TMCO5A: variants seen among roughly 807,000 people sequenced by gnomAD.
The protein encoded by TMCO5A is transmembrane and coiled-coil domain-containing protein 5A.
TMCO5A carries 34 observed loss-of-function variants against 42.3 expected under a neutral mutation model. The ratio of observed to expected loss-of-function variants is 0.80; its 90% CI spans 0.61 to 1.07. The LOEUF (loss-of-function observed/expected upper bound fraction) is 1.07, where lower values mean the gene tolerates loss of function less well. Among genes scored for constraint, TMCO5A ranks in the 50% least tolerant of loss-of-function variants. The pLI, the probability that TMCO5A is intolerant of heterozygous loss-of-function variation, is 0.00. For synonymous variants in TMCO5A, 131 were observed against 115.6 expected (o/e 1.13, Z -0.86); for missense variants, 357 against 327.9 (o/e 1.09, Z -0.69).
chr15:37,937,278 C>G (rs1186416938), intron 4 of TMCO5A, 68 bp from the exon 5 acceptor site: 1 of 1,550,626 alleles, frequency 6.4e-7, no homozygotes, highest in African/African-American at 1.4e-5. Context: ...GTGAAATGGA[C>G]AGCAATCAAC....
chr15:37,974,712 C>A, the TMCO5A span, among the ~76,000 whole-genome samples: 1 of 151,842 alleles, frequency 6.6e-6, no homozygotes, highest in African/African-American at 2.4e-5. Context: ...GATGTGTTGA[C>A]CTTTTGTATG....
rs527465380 is a variant in TMCO5A at position 37,943,993 on chromosome 15, T to A, written c.627+595T>A. 3 of 152,238 alleles carry A rather than the reference T, an allele frequency of 2.0e-5. No homozygotes were observed. In the East Asian group the frequency reaches 5.8e-4, roughly 29 times the overall value. 9.4% of individuals were successfully genotyped at this position (152,238 alleles called of 1,614,324 possible). A position where few individuals can be genotyped will look rare whatever the true frequency, so the allele number is the denominator to read the frequency against. On this transcript the variant is annotated intron_variant, in intron 10 of 11. Coordinates refer to ENST00000319669, the MANE Select transcript of TMCO5A (RefSeq NM_152453.4). Reference sequence around the variant, plus strand: ...AATCCTCTTGGCCTGCTTGATGTCTTGTGGCAGCAAGGATAAAAGGTTAAA... The same window carrying A: ...AATCCTCTTGGCCTGCTTGATGTCTAGTGGCAGCAAGGATAAAAGGTTAAA...
chr15:37,974,865 A>T, the TMCO5A span, among the ~76,000 whole-genome samples: 2 of 151,730 alleles, frequency 1.3e-5, no homozygotes, highest in Non-Finnish European at 3.0e-5. Flanking sequence ...TTTCTATTTG[A>T]TGTGGGCATT....
At chr15:37,976,840 C>A in the TMCO5A span, among the ~76,000 whole-genome samples, 43 of 137,048 alleles carry the variant, frequency 3.1e-4, no homozygotes, top group South Asian at 9.1e-4. Flanking sequence ...GTTGCCCAGG[C>A]AATAGCACAA....
the TMCO5A span, among the ~76,000 whole-genome samples, chr15:37,975,095 A>C: frequency 3.3e-5 from 5 of 152,244 alleles, no homozygotes; most frequent in South Asian, 1.0e-3. Context: ...TTGTACTGTG[A>C]TCCAAGAGTG....
At chr15:37,938,673 T>C (rs956807970) in intron 6 of TMCO5A, among the ~76,000 whole-genome samples, 3 of 152,076 alleles carry the variant, frequency 2.0e-5, no homozygotes, top group Admixed American at 1.3e-4. Flanking sequence ...CTTGCTGAGG[T>C]GCATGTATGA....
chr15:37,968,301 T>A (rs1288287235), downstream of TMCO5A, among the ~76,000 whole-genome samples: 2 of 152,026 alleles, frequency 1.3e-5, no homozygotes, highest in African/African-American at 4.8e-5. Context: ...GTCAGGCTAC[T>A]CTCTGGAGAT....
chr15:37,943,066 G>A (rs879285579), intron 9 of TMCO5A: 1 of 316,294 alleles, frequency 3.2e-6, no homozygotes, highest in South Asian at 4.1e-5. Flanking sequence ...TGGCTTAACT[G>A]TTAAGCCAAG....
intron 4 of TMCO5A, 39 bp downstream of exon 4, chr15:37,937,009 A>G (rs1227727971): frequency 1.9e-6 from 3 of 1,608,052 alleles, no homozygotes; most frequent in Admixed American, 1.7e-5. Flanking sequence ...AATAGGTTGC[A>G]TTCCTCATTC....
downstream of TMCO5A, among the ~76,000 whole-genome samples, chr15:37,969,147 A>C (rs1890627279): frequency 6.6e-6 from 1 of 152,222 alleles, no homozygotes. Context: ...AAGAGGTGAC[A>C]TTAAATCTGT....
chr15:37,980,736 A>C, the TMCO5A span, among the ~76,000 whole-genome samples: 1 of 150,454 alleles, frequency 6.6e-6, no homozygotes, highest in African/African-American at 2.5e-5. Context: ...GTTTGTTCCC[A>C]CTGGGTGGCC....
At chr15:37,995,730 A>G in the TMCO5A span, among the ~76,000 whole-genome samples, 1 of 152,088 alleles carries the variant, frequency 6.6e-6, no homozygotes, top group Non-Finnish European at 1.5e-5. Flanking sequence ...TGCAAAAATT[A>G]TTTTTATCTC....
intron 10 of TMCO5A, 25 bp downstream of exon 10, chr15:37,943,423 C>G: frequency 6.2e-7 from 1 of 1,609,724 alleles, no homozygotes; most frequent in South Asian, 1.1e-5. Context: ...CTCTCTTCAG[C>G]TCCTCACAGT....
downstream of TMCO5A, among the ~76,000 whole-genome samples, chr15:37,972,494 T>C (rs748327357): frequency 6.6e-6 from 1 of 152,154 alleles, no homozygotes; most frequent in Non-Finnish European, 1.5e-5. Context: ...GTGTGAGATG[T>C]TATCTCCTTG....
chr15:37,990,371 G>A, the TMCO5A span, among the ~76,000 whole-genome samples: 1 of 151,788 alleles, frequency 6.6e-6, no homozygotes, highest in East Asian at 1.9e-4. Context: ...GACCTTCTTT[G>A]TTCCTTGTGA....
At chr15:37,989,935 A>T in the TMCO5A span, among the ~76,000 whole-genome samples, 1 of 152,100 alleles carries the variant, frequency 6.6e-6, no homozygotes, top group African/African-American at 2.4e-5. Context: ...CCACTTCTCA[A>T]CACTGCCAAG....
chr15:38,021,909 A>G, the TMCO5A span, among the ~76,000 whole-genome samples: 131,234 of 151,102 alleles, frequency 0.87, 57,165 homozygotes, highest in East Asian at 0.96. Flanking sequence ...TCCTGGGTTC[A>G]AGCAATTCTC....
downstream of TMCO5A, among the ~76,000 whole-genome samples, chr15:37,968,262 C>T (rs907156494): frequency 6.6e-6 from 1 of 152,156 alleles, no homozygotes; most frequent in East Asian, 1.9e-4. Flanking sequence ...CCTCCCTCAC[C>T]CTTGCTTCTC....
At chr15:37,995,845 C>CAAAAAA in the TMCO5A span, among the ~76,000 whole-genome samples, 2 of 141,080 alleles carry the variant, frequency 1.4e-5, no homozygotes, top group Non-Finnish European at 1.5e-5. Context: ...CAATCCCCTC[C>CAAAAAA]AAAAAAAAAA....
Sources: gnomAD v4.1 joint callset for allele counts (sites outside exome capture counted in the v4.1 genomes callset) on GRCh38, gnomAD v4.1.1 for gene constraint, MANE v1.5 for transcripts, NCBI Gene and HGNC (gene_info 2026-07-23, HGNC 2026-07-21) for gene names.